Variants in LONP2 observed in about 807,000 individuals in gnomAD.
LONP2 encodes lon peptidase 2, peroxisomal.
Under a neutral mutation model 85.6 loss-of-function variants are expected in LONP2, and 60 were observed. That is an observed-to-expected ratio of 0.70 (90% CI 0.57 to 0.87). The LOEUF is 0.87. Ranked by LOEUF, LONP2 falls within the 40% of genes least tolerant of loss-of-function variation. The pLI is 0.00. For synonymous variants in LONP2, 395 were observed against 389.7 expected (o/e 1.01, Z -0.16); for missense variants, 860 against 1,063.5 (o/e 0.81, Z 2.66).
chr16:48,259,493 T>C (rs988074450), intron 4 of LONP2, among the ~76,000 whole-genome samples: 8 of 152,208 alleles, frequency 5.3e-5, no homozygotes, highest in Admixed American at 2.0e-4. Context: ...ATATATTTGA[T>C]GTGGACAGGA....
chr16:48,247,753 T>G (rs1280449241), intron 1 of LONP2, among the ~76,000 whole-genome samples: 5 of 152,230 alleles, frequency 3.3e-5, no homozygotes, highest in African/African-American at 9.6e-5. Flanking sequence ...CATTTCAAGA[T>G]GGTCATCCAG....
At chr16:48,350,793 G>C (rs1227073376) in intron 14 of LONP2, among the ~76,000 whole-genome samples, 1 of 152,148 alleles carries the variant, frequency 6.6e-6, no homozygotes, top group Non-Finnish European at 1.5e-5. Context: ...CTGACAGGCT[G>C]GAGAAACTGC....
intron 11 of LONP2, among the ~76,000 whole-genome samples, chr16:48,313,776 C>G (rs928849689): frequency 1.3e-5 from 2 of 152,106 alleles, no homozygotes; most frequent in Admixed American, 1.3e-4. Flanking sequence ...GTGAATAGTG[C>G]TGCAATGAAT....
rs924588025 is a variant in LONP2, at chr16:48,357,333, C to T, written c.*5531C>T. 2.0e-5 allele frequency: 3 copies of T among 152,176 alleles called. No homozygotes were observed. The highest frequency in any genetic ancestry group is 4.4e-5 in the Non-Finnish European group (3 of 68,040). The allele number at this position is 152,176 out of a possible 1,614,324, so 9.4% of individuals were successfully genotyped here. A position where few individuals can be genotyped will look rare whatever the true frequency, so the allele number is the denominator to read the frequency against. On this transcript the variant is annotated 3_prime_UTR_variant, in exon 15 of 15. Transcript: ENST00000285737. ...TTGGATGGTGCCATTTTTAGATAAACGTACGTTTCTTTTGGTAAATTCAGG... is the reference window on the plus strand; with the variant it reads ...TTGGATGGTGCCATTTTTAGATAAATGTACGTTTCTTTTGGTAAATTCAGG...
intron 12 of LONP2, among the ~76,000 whole-genome samples, chr16:48,338,721 G>A (rs761774185): frequency 6.6e-6 from 1 of 151,998 alleles, no homozygotes; most frequent in Non-Finnish European, 1.5e-5. Flanking sequence ...CAGCCTGGGC[G>A]ACACGGCAAA....
intron 9 of LONP2, among the ~76,000 whole-genome samples, chr16:48,297,260 A>G (rs1322856879): frequency 6.6e-6 from 1 of 152,100 alleles, no homozygotes; most frequent in Non-Finnish European, 1.5e-5. Flanking sequence ...GGCCTCCAAA[A>G]GTATAAGGAT....
chr16:48,343,287 G>A (rs1033764396), intron 12 of LONP2, among the ~76,000 whole-genome samples: 67 of 152,328 alleles, frequency 4.4e-4, no homozygotes, highest in Non-Finnish European at 7.8e-4. Context: ...AAAGAGTTGT[G>A]CATGCTTACA....
At chr16:48,306,241 T>G (rs1018624234) in intron 11 of LONP2, among the ~76,000 whole-genome samples, 4 of 152,230 alleles carry the variant, frequency 2.6e-5, no homozygotes, top group African/African-American at 9.6e-5. Flanking sequence ...ATTTTAGAAC[T>G]TCTAATAAAT....
rs1381687124 is a variant in LONP2 at position 48,354,662 on chromosome 16, G to GTGTT, written c.*2862_*2865dup. ...GGGATCAAACAAGAGTTGTCCTTTT[G>GTGTT]TGTTTAGCATTCTTACTTAGCAAGC... On this transcript the variant is annotated 3_prime_UTR_variant, in exon 15 of 15. Coordinates refer to ENST00000285737, the MANE Select transcript of LONP2 (RefSeq NM_031490.5). The GTGTT allele has an allele frequency of 5.3e-5, 8 of 152,152 alleles. No individual in the cohort carries two copies. The highest frequency in any genetic ancestry group is 3.9e-4 in the Admixed American group (6 of 15,266). 9.4% of individuals were successfully genotyped at this position (152,152 alleles called of 1,614,324 possible).
At chr16:48,349,733 A>C (rs1960082132) in intron 14 of LONP2, among the ~76,000 whole-genome samples, 1 of 152,266 alleles carries the variant, frequency 6.6e-6, no homozygotes, top group Admixed American at 6.5e-5. Flanking sequence ...GTGAAAAACA[A>C]TTTGTTGTTA....
At chr16:48,293,926 A>C (rs574357534) in intron 8 of LONP2, among the ~76,000 whole-genome samples, 1 of 152,258 alleles carries the variant, frequency 6.6e-6, no homozygotes, top group African/African-American at 2.4e-5. Flanking sequence ...GTACCTAAAC[A>C]GTTTGTTTGT....
At chr16:48,274,433 A>C (rs1166362811) in intron 7 of LONP2, among the ~76,000 whole-genome samples, 2 of 152,012 alleles carry the variant, frequency 1.3e-5, no homozygotes, top group African/African-American at 2.4e-5. Context: ...TAAGATTAAA[A>C]CATAATATTT....
At chr16:48,259,918 A>G (rs1397662314) in intron 4 of LONP2, among the ~76,000 whole-genome samples, 1 of 152,222 alleles carries the variant, frequency 6.6e-6, no homozygotes, top group Non-Finnish European at 1.5e-5. Context: ...AAGTTTTTCA[A>G]AAGTGCTCCA....
intron 11 of LONP2, among the ~76,000 whole-genome samples, chr16:48,310,953 A>G (rs779287156): frequency 1.3e-5 from 2 of 152,096 alleles, no homozygotes; most frequent in Non-Finnish European, 2.9e-5. Context: ...GAGTTTGACC[A>G]TTTTCTTTAA....
intron 7 of LONP2, among the ~76,000 whole-genome samples, chr16:48,272,051 C>T (rs544800249): frequency 6.6e-6 from 1 of 152,112 alleles, no homozygotes; most frequent in Non-Finnish European, 1.5e-5. Flanking sequence ...ATCATAAGCA[C>T]GTGACATGTA....
At chr16:48,351,556 T>C in intron 14 of LONP2, 25 bp from the exon 15 acceptor site, 1 of 1,604,432 alleles carries the variant, frequency 6.2e-7, no homozygotes, top group Non-Finnish European at 8.5e-7. Context: ...TCATTAACCC[T>C]AAAAACTTTT....
chr16:48,362,413 CAGTCTGACG>C lies in LONP2; in HGVS notation c.*551_*559del. ...GAGGTACCGGTAGGTAATGCTGTAG[CAGTCTGACG>C]GCTCATTTCTGAAATAAATACATAA... On this transcript the variant is annotated 3_prime_UTR_variant, in exon 5 of 5. Coordinates refer to the LONP2 transcript ENST00000565867. This position sits in a 1 kb window ranked among gnomAD's most constrained non-coding sequence, Gnocchi z 4.2. 6.2e-7 allele frequency: 1 copy of C among 1,614,068 alleles called. No individual in the cohort carries two copies. Among genetic ancestry groups the C allele is most frequent in the Non-Finnish European group, 8.5e-7 (1 of 1,179,972 alleles).
At chr16:48,306,713 A>G (rs558744273) in intron 11 of LONP2, among the ~76,000 whole-genome samples, 1 of 152,294 alleles carries the variant, frequency 6.6e-6, no homozygotes, top group South Asian at 2.1e-4. Context: ...ATTGTTTATG[A>G]CCTCAACCAA....
At chr16:48,272,203 A>T (rs541234299) in intron 7 of LONP2, among the ~76,000 whole-genome samples, 1 of 152,368 alleles carries the variant, frequency 6.6e-6, no homozygotes, top group East Asian at 1.9e-4. Flanking sequence ...ATAAATTCTC[A>T]GGAGGACAAA....
Sources: gnomAD v4.1 joint callset for allele counts (sites outside exome capture counted in the v4.1 genomes callset) on GRCh38, gnomAD v4.1.1 for gene constraint, Gnocchi (gnomAD v3.1) non-coding constraint, MANE v1.5 for transcripts, NCBI Gene and HGNC (gene_info 2026-07-23, HGNC 2026-07-21) for gene names.